IL1RAPL2: variants seen among roughly 807,000 people sequenced by gnomAD.
The protein encoded by IL1RAPL2 is interleukin 1 receptor accessory protein like 2.
IL1RAPL2 carries 3 observed loss-of-function variants against 44.1 expected under a neutral mutation model. The ratio of observed to expected loss-of-function variants is 0.07; its 90% CI spans 0.03 to 0.18. The LOEUF is 0.18. IL1RAPL2 is among the 10% of genes least tolerant of loss of function. IL1RAPL2 has a pLI of 1.00. For missense variants in IL1RAPL2, 391 were observed against 496.4 expected, an observed-to-expected ratio of 0.79 and a Z score of 2.02; for synonymous variants, 181 against 178.8, an observed-to-expected ratio of 1.01 and a Z score of -0.10.
intron 6 of IL1RAPL2, among the ~76,000 whole-genome samples, chrX:105,608,154 T>C: frequency 1.8e-5 from 2 of 111,557 alleles, no homozygotes; most frequent in Non-Finnish European, 3.8e-5. Flanking sequence ...TATATTTGTA[T>C]TATTTTTTAT....
At chrX:105,008,600 T>C (rs1602886119) in intron 2 of IL1RAPL2, among the ~76,000 whole-genome samples, 1 of 110,956 alleles carries the variant, frequency 9.0e-6, no homozygotes, top group Admixed American at 9.6e-5. Flanking sequence ...CAAAAATTAA[T>C]TCAAGATGGA....
At chrX:104,917,025 A>T (rs1316730666) in intron 2 of IL1RAPL2, among the ~76,000 whole-genome samples, 2 of 111,647 alleles carry the variant, frequency 1.8e-5, no homozygotes, top group Non-Finnish European at 3.8e-5. Context: ...TTGGTCTAAA[A>T]TTCTCTTTTT....
intron 5 of IL1RAPL2, among the ~76,000 whole-genome samples, chrX:105,325,570 TATATA>T (rs1426074865): frequency 6.1e-5 from 4 of 65,797 alleles, no homozygotes; most frequent in African/African-American, 1.7e-4. Flanking sequence ...TATATATATA[TATATA>T]TACACATATG....
chrX:105,243,921 T>G, intron 4 of IL1RAPL2, among the ~76,000 whole-genome samples: 1 of 111,592 alleles, frequency 9.0e-6, no homozygotes, highest in South Asian at 3.7e-4. Flanking sequence ...TTAGCAGACT[T>G]AATTTTTAAA....
chrX:105,275,001 A>G (rs909566532), intron 5 of IL1RAPL2, among the ~76,000 whole-genome samples: 1 of 111,662 alleles, frequency 9.0e-6, no homozygotes, highest in East Asian at 2.8e-4. Flanking sequence ...GCTTGAGGTC[A>G]GGAGTTCAAG....
At chrX:105,765,007 G>A (rs1421342055) in intron 10 of IL1RAPL2, among the ~76,000 whole-genome samples, 1 of 111,269 alleles carries the variant, frequency 9.0e-6, no homozygotes, top group African/African-American at 3.3e-5. Context: ...AAATTATTTT[G>A]TGAAGAATGA....
chrX:105,081,008 GCTCT>G lies in IL1RAPL2; in HGVS notation c.83-114464_83-114461del, dbSNP rs1199032471. ...TGAATGGGAGTTAACTCATGGTTTG[GCTCT>G]CTGTTTGTCAGTTTTTGGTGTATAG... On this transcript the variant is annotated intron_variant, in intron 2 of 10. Coordinates refer to ENST00000372582, the MANE Select transcript of IL1RAPL2 (RefSeq NM_017416.2). 1.4e-4 allele frequency among the ~76,000 whole-genome samples: 15 copies of G among 110,662 alleles called. No individual in the cohort carries two copies. The South Asian group carries it at 1.9e-3, about 14-fold the overall frequency.
chrX:105,425,596 CT>C (rs969136427), intron 5 of IL1RAPL2, among the ~76,000 whole-genome samples: 3 of 107,797 alleles, frequency 2.8e-5, no homozygotes, highest in African/African-American at 1.0e-4. Flanking sequence ...TCATGTTATC[CT>C]TTTTTTTTCC....
chrX:105,229,686 G>A (rs902919338), intron 3 of IL1RAPL2, among the ~76,000 whole-genome samples: 6 of 112,098 alleles, frequency 5.4e-5, no homozygotes, highest in South Asian at 3.7e-4. Flanking sequence ...GTCAGGGAAC[G>A]AACACATGAA....
chrX:105,402,506 A>G (rs766410687), intron 5 of IL1RAPL2, among the ~76,000 whole-genome samples: 3 of 111,596 alleles, frequency 2.7e-5, no homozygotes, highest in Non-Finnish European at 5.7e-5. Context: ...CATATCTTTT[A>G]TGTCTCCATC....
chrX:105,274,487 T>C (rs944352454), intron 5 of IL1RAPL2, among the ~76,000 whole-genome samples: 1 of 112,329 alleles, frequency 8.9e-6, no homozygotes, highest in African/African-American at 3.2e-5. Flanking sequence ...TGGATGAATG[T>C]CTAGTTAAAC....
rs35192051 is a variant in IL1RAPL2 at position 105,226,385 on chromosome X, CTTTTTTTTTTTTT to C, written c.357-7415_357-7403del. The stretch of plus-strand genomic sequence containing the variant: ...GACCCTTTGCCATTCTTTCTTTTCC[CTTTTTTTTTTTTT>C]TTTTTTTTTTTTTTTTTGAGACAGT... On this transcript the variant is annotated intron_variant, in intron 3 of 10. Coordinates refer to ENST00000372582, the MANE Select transcript of IL1RAPL2 (RefSeq NM_017416.2). Among the ~76,000 whole-genome samples the C allele has an allele frequency of 6.4e-4, 34 of 53,334 alleles. 1 individual carries two copies. The highest frequency in any genetic ancestry group is 8.9e-4 in the Non-Finnish European group (27 of 30,445). 46.3% of individuals were successfully genotyped at this position (53,334 alleles called of 115,157 possible).
chrX:105,119,478 G>C (rs1218480047), intron 2 of IL1RAPL2, among the ~76,000 whole-genome samples: 2 of 111,253 alleles, frequency 1.8e-5, no homozygotes, highest in African/African-American at 6.5e-5. Context: ...CTACAAAATG[G>C]CTTCCTCTGC....
intron 2 of IL1RAPL2, among the ~76,000 whole-genome samples, chrX:104,935,622 A>G (rs1339604032): frequency 1.8e-5 from 2 of 112,240 alleles, no homozygotes; most frequent in Non-Finnish European, 3.8e-5. Context: ...ACATGTGAAA[A>G]TTAACATATC....
rs752208973 is a variant in IL1RAPL2 at position 104,923,831 on chromosome X, A to G, written c.82+264836A>G. On this transcript the variant is annotated intron_variant, in intron 2 of 10. Transcript: ENST00000372582. ...TTAACTTTGAACATAAATGGCCTAAATGTACCAATTAAAAGATATAGACGG... is the reference window on the plus strand; with the variant it reads ...TTAACTTTGAACATAAATGGCCTAAGTGTACCAATTAAAAGATATAGACGG... Among the ~76,000 whole-genome samples the G allele has an allele frequency of 1.7e-4, 18 of 105,153 alleles. No individual in the cohort carries two copies. In the South Asian group the frequency reaches 8.2e-3, roughly 48 times the overall value. 91.3% of individuals were successfully genotyped at this position (105,153 alleles called of 115,157 possible). A position where few individuals can be genotyped will look rare whatever the true frequency, so the allele number is the denominator to read the frequency against.
At chrX:104,879,483 C>T (rs1262752726) in intron 2 of IL1RAPL2, among the ~76,000 whole-genome samples, 1 of 110,539 alleles carries the variant, frequency 9.0e-6, no homozygotes, top group Admixed American at 9.6e-5. Context: ...CATGTTTGTG[C>T]CAAATGGCAA....
At chrX:105,697,434 G>C (rs2038085340) in intron 6 of IL1RAPL2, among the ~76,000 whole-genome samples, 1 of 111,590 alleles carries the variant, frequency 9.0e-6, no homozygotes, top group Non-Finnish European at 1.9e-5. Flanking sequence ...AGTGGCAGAG[G>C]AATCAGCAGT....
At chrX:105,713,877 T>C (rs1439023510) in intron 6 of IL1RAPL2, among the ~76,000 whole-genome samples, 1 of 111,698 alleles carries the variant, frequency 9.0e-6, no homozygotes, top group African/African-American at 3.3e-5. Flanking sequence ...AGCTTGCAAA[T>C]TTTCAAAATT....
intron 2 of IL1RAPL2, among the ~76,000 whole-genome samples, chrX:104,874,510 G>C (rs991004707): frequency 5.3e-4 from 59 of 110,813 alleles, no homozygotes; most frequent in African/African-American, 1.9e-3. Flanking sequence ...ATGCTGCCAG[G>C]ATACAGGAAA....
Sources: allele counts gnomAD v4.1 joint callset (sites outside exome capture counted in the v4.1 genomes callset), GRCh38; gene constraint gnomAD v4.1.1; transcripts MANE v1.5; gene names NCBI Gene and HGNC (gene_info 2026-07-23, HGNC 2026-07-21).